KCNMB2: variants seen among roughly 807,000 people sequenced by gnomAD.
KCNMB2 encodes the protein calcium-activated potassium channel subunit beta-2.
Under a neutral mutation model 24.5 loss-of-function variants are expected in KCNMB2, and 9 were observed. The observed-to-expected ratio is 0.37, with a 90% CI of 0.22 to 0.64. The LOEUF (loss-of-function observed/expected upper bound fraction) is 0.64. Among genes scored for constraint, KCNMB2 ranks in the 30% least tolerant of loss-of-function variants. The pLI is 0.63. For missense variants in KCNMB2, 226 were observed against 284.3 expected (o/e 0.79, Z 1.47); for synonymous variants, 109 against 104.4 (o/e 1.04, Z -0.27).
intron 1 of KCNMB2, among the ~76,000 whole-genome samples, chr3:178,743,326 C>T (rs937404521): frequency 2.0e-5 from 3 of 152,138 alleles, no homozygotes; most frequent in South Asian, 2.1e-4. Context: ...AAACAGATTA[C>T]GATGGTAACC....
At chr3:178,793,495 C>T (rs931127287) in intron 1 of KCNMB2, among the ~76,000 whole-genome samples, 5 of 148,636 alleles carry the variant, frequency 3.4e-5, no homozygotes, top group East Asian at 2.0e-4. Context: ...AGCCACCAAG[C>T]GGAAGCTGCT....
chr3:178,665,776 CT>C (rs1337408435), intron 1 of KCNMB2, among the ~76,000 whole-genome samples: 1 of 152,136 alleles, frequency 6.6e-6, no homozygotes, highest in East Asian at 1.9e-4. Context: ...GAATGAGATA[CT>C]CACGAATGTG....
intron 1 of KCNMB2, among the ~76,000 whole-genome samples, chr3:178,544,035 T>C (rs1475900956): frequency 6.6e-6 from 1 of 152,178 alleles, no homozygotes; most frequent in Non-Finnish European, 1.5e-5. Context: ...GTCATCACAG[T>C]ACTTTCAATG....
In KCNMB2 at chr3:178,843,647, A is replaced by C. The variant is rs1456395510; in HGVS notation, c.*710A>C. ...CCCTGCTACTGTGTGAAGAGATGAT[A>C]CTTACAAGGAGTGTCATTACCTGTG... On this transcript the variant is annotated 3_prime_UTR_variant, in exon 5 of 5. Coordinates refer to ENST00000452583, the MANE Select transcript of KCNMB2 (RefSeq NM_181361.3). 1 of 155,010 alleles carries C rather than the reference A, an allele frequency of 6.5e-6. No homozygotes were observed. The highest frequency in any genetic ancestry group is 1.4e-5 in the Non-Finnish European group (1 of 69,960). The allele number at this position is 155,010 out of a possible 1,614,324, so 9.6% of individuals were successfully genotyped here.
At chr3:178,696,822 T>C (rs1721895169) in intron 1 of KCNMB2, among the ~76,000 whole-genome samples, 1 of 152,052 alleles carries the variant, frequency 6.6e-6, no homozygotes, top group Non-Finnish European at 1.5e-5. Context: ...AAGTAAATAA[T>C]GATATTATTT....
Position 178,832,411 on chromosome 3 carries a change from T to C in KCNMB2, c.423+4038T>C, listed in dbSNP as rs957643766. ...TATTATGTGCCAATACATGCAATTA[T>C]TTTTATTTAGCCTACTTAGCATTAG... On this transcript the variant is annotated intron_variant, in intron 4 of 4. Coordinates refer to ENST00000452583, the MANE Select transcript of KCNMB2 (RefSeq NM_181361.3). Among the ~76,000 whole-genome samples the C allele has an allele frequency of 7.6e-5, 2 of 26,452 alleles. 1 individual carries two copies. The highest frequency in any genetic ancestry group is 5.8e-4 in the Admixed American group (2 of 3,438). The allele number at this position is 26,452 out of a possible 152,430, so 17.4% of individuals were successfully genotyped here. A position where few individuals can be genotyped will look rare whatever the true frequency, so the allele number is the denominator to read the frequency against.
chr3:178,582,170 A>G (rs900813356), intron 1 of KCNMB2, among the ~76,000 whole-genome samples: 6 of 152,352 alleles, frequency 3.9e-5, no homozygotes, highest in Middle Eastern at 3.4e-3. Flanking sequence ...ACCATTGAAT[A>G]CTATGCAACC....
At chr3:178,595,530 TG>T (rs998330713) in intron 1 of KCNMB2, among the ~76,000 whole-genome samples, 8 of 152,084 alleles carry the variant, frequency 5.3e-5, no homozygotes, top group African/African-American at 1.9e-4. Flanking sequence ...AATTGAATCA[TG>T]GGGGGCAGTT....
intron 1 of KCNMB2, among the ~76,000 whole-genome samples, chr3:178,671,330 G>T (rs1720891170): frequency 6.6e-6 from 1 of 152,164 alleles, no homozygotes; most frequent in African/African-American, 2.4e-5. Context: ...GTTGCTTTGA[G>T]GTTGACATAA....
chr3:178,711,127 T>C (rs1443158443), intron 1 of KCNMB2, among the ~76,000 whole-genome samples: 3 of 152,238 alleles, frequency 2.0e-5, no homozygotes, highest in African/African-American at 7.2e-5. Flanking sequence ...TTATGATTAA[T>C]ATTCTTTTTA....
At chr3:178,830,970 C>T (rs1341680196) in intron 4 of KCNMB2, among the ~76,000 whole-genome samples, 1 of 152,104 alleles carries the variant, frequency 6.6e-6, no homozygotes, top group Non-Finnish European at 1.5e-5. Context: ...TTTTGCTGTT[C>T]TGTTTAAGTC....
intron 1 of KCNMB2, among the ~76,000 whole-genome samples, chr3:178,671,079 C>G (rs1720882014): frequency 6.6e-6 from 1 of 151,764 alleles, no homozygotes. Flanking sequence ...AGTCAAACAC[C>G]ACCACTGCCC....
At chr3:178,687,311 C>A (rs1246259767) in intron 1 of KCNMB2, among the ~76,000 whole-genome samples, 1 of 152,068 alleles carries the variant, frequency 6.6e-6, no homozygotes, top group African/African-American at 2.4e-5. Flanking sequence ...GGTTCCTATC[C>A]TGATAAAAGG....
rs566364056 is a variant in KCNMB2 at position 178,775,598 on chromosome 3, G to T, written c.-67-31745G>T. Among the ~76,000 whole-genome samples the T allele has an allele frequency of 2.6e-5, 4 of 152,230 alleles. No individual in the cohort carries two copies. In the East Asian group the frequency reaches 7.7e-4, roughly 29 times the overall value. On this transcript the variant is annotated intron_variant, in intron 1 of 4. Transcript: ENST00000452583. Reference sequence around the variant, plus strand: ...AATCACTTATCCTCAGATATACTATGCAAAACATGTCCATTTCATACCAAA... The same window carrying T: ...AATCACTTATCCTCAGATATACTATTCAAAACATGTCCATTTCATACCAAA...
chr3:178,657,685 A>C (rs1178302739), intron 1 of KCNMB2, among the ~76,000 whole-genome samples: 3 of 152,232 alleles, frequency 2.0e-5, no homozygotes. Context: ...TGGATAACTT[A>C]TAATGAAAAG....
In KCNMB2 at chr3:178,548,313, T is replaced by C. The variant is rs560411148; in HGVS notation, c.-68+11602T>C. ...CTTTCTGCCCTGGGTTTCTTCTGCC[T>C]AGATCATGCAAATGAATAGTTTCCA... On this transcript the variant is annotated intron_variant, in intron 1 of 4. Coordinates refer to ENST00000452583, the MANE Select transcript of KCNMB2 (RefSeq NM_181361.3). Among the ~76,000 whole-genome samples the C allele has an allele frequency of 3.3e-5, 5 of 152,330 alleles. No individual in the cohort carries two copies. In the South Asian group the frequency reaches 1.0e-3, roughly 32 times the overall value.
intron 1 of KCNMB2, among the ~76,000 whole-genome samples, chr3:178,795,657 G>A (rs955093052): frequency 6.6e-6 from 1 of 152,090 alleles, no homozygotes; most frequent in African/African-American, 2.4e-5. Flanking sequence ...CCTCAGTCCC[G>A]CTCCTGCCAG....
At chr3:178,604,442 A>G (rs1371857371) in intron 1 of KCNMB2, among the ~76,000 whole-genome samples, 1 of 152,078 alleles carries the variant, frequency 6.6e-6, no homozygotes, top group Non-Finnish European at 1.5e-5. Context: ...CAGAACCATG[A>G]ATATTTTATA....
chr3:178,838,303 A>G lies in KCNMB2; in HGVS notation c.424-4350A>G, dbSNP rs4493413. Among the ~76,000 whole-genome samples the G allele has an allele frequency of 6.8e-3, 1,040 of 152,274 alleles. 19 individuals are homozygous for G. Among genetic ancestry groups the G allele is most frequent in the African/African-American group, 0.024 (998 of 41,554 alleles). Reference sequence around the variant, plus strand: ...CAGTTTTCATACTAAATTATAACTGATTGAAAAATTCTGCTTTCTTGGTGA... The same window carrying G: ...CAGTTTTCATACTAAATTATAACTGGTTGAAAAATTCTGCTTTCTTGGTGA... On this transcript the variant is annotated intron_variant, in intron 4 of 4. Coordinates refer to ENST00000452583, the MANE Select transcript of KCNMB2 (RefSeq NM_181361.3).
Sources: gnomAD v4.1 joint callset for allele counts (sites outside exome capture counted in the v4.1 genomes callset) on GRCh38, gnomAD v4.1.1 for gene constraint, MANE v1.5 for transcripts, NCBI Gene and HGNC (gene_info 2026-07-23, HGNC 2026-07-21) for gene names.